The following EIF4G3 variants were observed in gnomAD, a reference collection of about 807,000 sequenced individuals.
The protein encoded by EIF4G3 is eIF-4-gamma 3.
In EIF4G3, 34 loss-of-function variants were observed where a neutral mutation model predicts 186.4. That is an observed-to-expected ratio of 0.18 (90% CI 0.14 to 0.24). The LOEUF (loss-of-function observed/expected upper bound fraction) is 0.24. Ranked by LOEUF, EIF4G3 falls within the 10% of genes least tolerant of loss-of-function variation. The pLI, the probability that EIF4G3 is intolerant of heterozygous loss-of-function variation, is 1.00. For missense variants in EIF4G3, 1,536 were observed against 1,948.5 expected (o/e 0.79, Z 3.99); for synonymous variants, 673 against 679.5 (o/e 0.99, Z 0.15).
chr1:20,863,687 G>A (rs1421193612), intron 22 of EIF4G3, among the ~76,000 whole-genome samples: 1 of 150,924 alleles, frequency 6.6e-6, no homozygotes, highest in Non-Finnish European at 1.5e-5. Flanking sequence ...CAGGTGATCT[G>A]CCCGCCTCAG....
At chr1:21,081,949 T>A (rs2095802279) in intron 3 of EIF4G3, among the ~76,000 whole-genome samples, 1 of 151,378 alleles carries the variant, frequency 6.6e-6, no homozygotes, top group Non-Finnish European at 1.5e-5. Context: ...CAGCCCCAAC[T>A]TTTTTTTCTT....
At chr1:20,979,756 CTT>C (rs11370570) in intron 10 of EIF4G3, among the ~76,000 whole-genome samples, 2 of 144,012 alleles carry the variant, frequency 1.4e-5, no homozygotes, top group Non-Finnish European at 1.5e-5. Flanking sequence ...ACTTTTCTGT[CTT>C]TTTTTTTTTT....
chr1:20,995,519 C>T (rs981529968), intron 7 of EIF4G3, among the ~76,000 whole-genome samples: 15 of 151,924 alleles, frequency 9.9e-5, no homozygotes, highest in Non-Finnish European at 2.9e-5. Context: ...TTACAGGTGC[C>T]CACCACCACG....
At chr1:21,028,772 T>A (rs539695143) in intron 4 of EIF4G3, among the ~76,000 whole-genome samples, 2 of 152,336 alleles carry the variant, frequency 1.3e-5, no homozygotes, top group East Asian at 3.9e-4. Context: ...AGTACTGAAG[T>A]AAGCACAGTT....
At chr1:21,114,999 C>T (rs141976657) in intron 2 of EIF4G3, among the ~76,000 whole-genome samples, 7 of 152,098 alleles carry the variant, frequency 4.6e-5, no homozygotes, top group East Asian at 1.9e-4. Context: ...CCCATCTCTA[C>T]GGAAAAAAAC....
chr1:20,920,608 G>GAGAA (rs1425228542), intron 14 of EIF4G3, among the ~76,000 whole-genome samples: 1 of 152,152 alleles, frequency 6.6e-6, no homozygotes, highest in African/African-American at 2.4e-5. Context: ...TAGGAACTGA[G>GAGAA]AGAATTCTAA....
At chr1:21,130,793 G>A (rs1167276852) in intron 2 of EIF4G3, among the ~76,000 whole-genome samples, 2 of 152,132 alleles carry the variant, frequency 1.3e-5, no homozygotes, top group African/African-American at 2.4e-5. Flanking sequence ...TTAAAGGACA[G>A]TGAAAAAGGA....
chr1:21,167,369 T>G (rs2097873518), intron 2 of EIF4G3, among the ~76,000 whole-genome samples: 1 of 152,094 alleles, frequency 6.6e-6, no homozygotes. Flanking sequence ...TACTAACACT[T>G]CCTGAAAACC....
At chr1:20,980,571 A>T in intron 9 of EIF4G3, 123 bp from the exon 10 acceptor site, 1 of 657,300 alleles carries the variant, frequency 1.5e-6, no homozygotes, top group Non-Finnish European at 2.5e-6. Context: ...AGAATCATTT[A>T]AATGAGGTAA....
chr1:21,113,598 A>G (rs2096766044), intron 2 of EIF4G3, among the ~76,000 whole-genome samples: 1 of 152,156 alleles, frequency 6.6e-6, no homozygotes, highest in Non-Finnish European at 1.5e-5. Context: ...ACTGGTCTAT[A>G]CTGCATTTTA....
At chr1:20,816,812 T>G (rs1570983165) in intron 34 of EIF4G3, among the ~76,000 whole-genome samples, 2 of 90,442 alleles carry the variant, frequency 2.2e-5, no homozygotes, top group South Asian at 4.2e-4. Context: ...GCGGGAAGGG[T>G]GGGGAAAAAA....
intron 10 of EIF4G3, among the ~76,000 whole-genome samples, chr1:20,975,020 T>C (rs757525277): frequency 3.3e-5 from 5 of 152,112 alleles, no homozygotes; most frequent in African/African-American, 7.2e-5. Context: ...AAGTGTAAAG[T>C]TGTTGGAAGC....
chr1:20,842,727 G>A (rs1402646877), intron 29 of EIF4G3, among the ~76,000 whole-genome samples: 1 of 151,998 alleles, frequency 6.6e-6, no homozygotes, highest in Admixed American at 6.6e-5. Flanking sequence ...GGCCACATCT[G>A]TACCTCACAG....
intron 3 of EIF4G3, among the ~76,000 whole-genome samples, chr1:21,073,471 C>T (rs997831112): frequency 6.6e-5 from 10 of 152,170 alleles, no homozygotes; most frequent in African/African-American, 1.9e-4. Context: ...ACCTTAAGGC[C>T]TTGGAGCTCT....
chr1:21,081,388 G>A (rs1185361885), intron 3 of EIF4G3, among the ~76,000 whole-genome samples: 13 of 152,178 alleles, frequency 8.5e-5, no homozygotes, highest in South Asian at 2.1e-4. Context: ...AGCCAAGATC[G>A]CACCACTGCA....
chr1:20,937,242 T>C (rs1399721161), intron 14 of EIF4G3, among the ~76,000 whole-genome samples: 1 of 152,194 alleles, frequency 6.6e-6, no homozygotes, highest in Non-Finnish European at 1.5e-5. Context: ...AAGGACGTTG[T>C]TTCAACTGGA....
At chr1:20,843,645 A>G (rs2069550638) in intron 29 of EIF4G3, among the ~76,000 whole-genome samples, 1 of 152,170 alleles carries the variant, frequency 6.6e-6, no homozygotes, top group East Asian at 1.9e-4. Context: ...CATGATATAT[A>G]TTTTTTAAAC....
At chr1:20,881,051 T>C (rs559290597) in intron 19 of EIF4G3, among the ~76,000 whole-genome samples, 2 of 151,804 alleles carry the variant, frequency 1.3e-5, no homozygotes, top group African/African-American at 4.8e-5. Context: ...AAACAAAAAG[T>C]TGGAGAATTG....
chr1:20,824,969 A>G, intron 33 of EIF4G3, 131 bp downstream of exon 33: 1 of 544,686 alleles, frequency 1.8e-6, no homozygotes, highest in Non-Finnish European at 3.1e-6. Context: ...CATGAACTTA[A>G]AAGGACATCT....
Sources: gnomAD v4.1 joint callset for allele counts (sites outside exome capture counted in the v4.1 genomes callset) on GRCh38, gnomAD v4.1.1 for gene constraint, MANE v1.5 for transcripts, NCBI Gene and HGNC (gene_info 2026-07-23, HGNC 2026-07-21) for gene names.